The following KCNQ1OT1 variants were observed in gnomAD, a reference collection of about 807,000 sequenced individuals.
The protein encoded by KCNQ1OT1 is KCNQ1 opposite strand/antisense transcript 1.
Position 2,676,080 on chromosome 11 carries a change from T to C in KCNQ1OT1, n.23915A>G, listed in dbSNP as rs1850288306. The stretch of plus-strand genomic sequence containing the variant: ...CAGACGTATTTTATATAAACAAATA[T>C]ACGTGTGTCTGTGTGTGCATGTACT... On this transcript the variant is annotated non_coding_transcript_exon_variant, in exon 1 of 1. Transcript: ENST00000597346. The surrounding 1 kb of genome is among the most constrained non-coding windows in gnomAD (Gnocchi z 4.2). 1 of 398,662 alleles carries C rather than the reference T, an allele frequency of 2.5e-6. No homozygotes were observed. The highest frequency in any genetic ancestry group is 4.4e-6 in the Non-Finnish European group (1 of 226,064). The allele number at this position is 398,662 out of a possible 1,614,324, so 24.7% of individuals were successfully genotyped here.
Position 2,661,583 on chromosome 11 carries a change from CTGT to C in KCNQ1OT1, n.38409_38411del. 1 of 562,402 alleles carries C rather than the reference CTGT, an allele frequency of 1.8e-6. No individual in the cohort carries two copies. The highest frequency in any genetic ancestry group is 3.2e-6 in the Non-Finnish European group (1 of 316,504). The allele number at this position is 562,402 out of a possible 1,614,324, so 34.8% of individuals were successfully genotyped here. On this transcript the variant is annotated non_coding_transcript_exon_variant, in exon 1 of 1. Transcript: ENST00000597346. This position sits in a 1 kb window ranked among gnomAD's most constrained non-coding sequence, Gnocchi z 5.9. ...GTGTGACAATGTATGGTGGTGGGAG[CTGT>C]TGTCCCTTACCAGGCCTGTGCCTGT...
At position 2,657,460 on chromosome 11, in the gene KCNQ1OT1, A is replaced by T. The variant is rs1849870299; in HGVS notation, n.42535T>A. The T allele has an allele frequency of 2.5e-6, 1 of 398,564 alleles. No individual in the cohort carries two copies. Among genetic ancestry groups the T allele is most frequent in the African/African-American group, 2.1e-5 (1 of 48,764 alleles). 24.7% of individuals were successfully genotyped at this position (398,564 alleles called of 1,614,324 possible). A position where few individuals can be genotyped will look rare whatever the true frequency, so the allele number is the denominator to read the frequency against. ...AATTAATATTCTTTTGTGCTATTGT[A>T]TACAGGTTCTGTTTTCTCTTGTTAC... On this transcript the variant is annotated non_coding_transcript_exon_variant, in exon 1 of 1. Coordinates refer to ENST00000597346, the Ensembl canonical transcript of KCNQ1OT1. The surrounding 1 kb of genome is among the most constrained non-coding windows in gnomAD (Gnocchi z 4.8).
At chr11:2,649,760 T>C (rs1322099181) in exon 1 of KCNQ1OT1, 5 of 398,496 alleles carry the variant, frequency 1.3e-5, no homozygotes, top group Non-Finnish European at 2.2e-5. Context: ...TTGATGAAAA[T>C]GTGCCTCAGA....
At chr11:2,672,892 G>T (rs1333805813) in exon 1 of KCNQ1OT1, 1 of 398,644 alleles carries the variant, frequency 2.5e-6, no homozygotes, top group African/African-American at 2.1e-5. Context: ...CAGGGGAGCA[G>T]TATGTGGCAC....
Position 2,642,358 on chromosome 11 carries a change from T to G in KCNQ1OT1, n.57637A>C. ...TGGTTAAACTCATTCCTAGATTTTT[T>G]GTAGTGGTTGTAAAAGATAATGCCT... On this transcript the variant is annotated non_coding_transcript_exon_variant, in exon 1 of 1. Coordinates refer to ENST00000597346, the Ensembl canonical transcript of KCNQ1OT1. This position sits in a 1 kb window ranked among gnomAD's most constrained non-coding sequence, Gnocchi z 4.3. 2 of 398,244 alleles carry G rather than the reference T, an allele frequency of 5.0e-6. No homozygotes were observed. The highest frequency in any genetic ancestry group is 7.1e-5 in the East Asian group (2 of 27,994). The allele number at this position is 398,244 out of a possible 1,614,324, so 24.7% of individuals were successfully genotyped here.
chr11:2,637,992 G>A (rs953100687), exon 1 of KCNQ1OT1: 1 of 152,156 alleles, frequency 6.6e-6, no homozygotes, highest in South Asian at 2.1e-4. Context: ...CAGAGACTAG[G>A]ATTGCAACCC....
chr11:2,675,510 T>C (rs2133873803), exon 1 of KCNQ1OT1: 1 of 398,662 alleles, frequency 2.5e-6, no homozygotes, highest in African/African-American at 2.1e-5. Context: ...AGTCACAACA[T>C]GCCATACACA....
chr11:2,684,901 A>AG (rs1218154075), exon 1 of KCNQ1OT1: 8 of 398,538 alleles, frequency 2.0e-5, no homozygotes, highest in Non-Finnish European at 3.1e-5. Context: ...CTACATCATA[A>AG]GGTAGGTAAG....
At position 2,677,483 on chromosome 11, in the gene KCNQ1OT1, T is replaced by G. The variant is rs1850314231; in HGVS notation, n.22512A>C. 6 of 398,436 alleles carry G rather than the reference T, an allele frequency of 1.5e-5. No homozygotes were observed. The highest frequency in any genetic ancestry group is 2.7e-5 in the Non-Finnish European group (6 of 226,050). The allele number at this position is 398,436 out of a possible 1,614,324, so 24.7% of individuals were successfully genotyped here. On this transcript the variant is annotated non_coding_transcript_exon_variant, in exon 1 of 1. Coordinates refer to ENST00000597346, the Ensembl canonical transcript of KCNQ1OT1. The surrounding 1 kb of genome is among the most constrained non-coding windows in gnomAD (Gnocchi z 4.5). ...GTCAAGCAGTGAAACCATGCCATAC[T>G]TCTACAAAAAATGATCCTCTCTGTG...
At chr11:2,655,850 T>C (rs1040825106) in exon 1 of KCNQ1OT1, 8 of 398,524 alleles carry the variant, frequency 2.0e-5, no homozygotes, top group South Asian at 2.5e-4. Flanking sequence ...TCCTCTTGAA[T>C]TGGAAAAACA....
chr11:2,615,063 A>AC (rs1849039418), exon 1 of KCNQ1OT1: 1 of 398,106 alleles, frequency 2.5e-6, no homozygotes, highest in Non-Finnish European at 4.4e-6. Flanking sequence ...GTCTTCTTTA[A>AC]TTTTTGTCAA....
chr11:2,689,172 C>T (rs1258663419), exon 1 of KCNQ1OT1: 9 of 398,672 alleles, frequency 2.3e-5, no homozygotes, highest in Admixed American at 4.4e-5. Context: ...GGGCCTGCTC[C>T]TCCTCCTTTT....
At position 2,626,397 on chromosome 11, in the gene KCNQ1OT1, T is replaced by TG; in HGVS notation, n.73597dup. On this transcript the variant is annotated non_coding_transcript_exon_variant, in exon 1 of 1. Coordinates refer to ENST00000597346, the Ensembl canonical transcript of KCNQ1OT1. The surrounding 1 kb of genome is among the most constrained non-coding windows in gnomAD (Gnocchi z 4.0). ...CAGCACTTTCCCTATTGAATGGTCT[T>TG]GGCACTCTTCTCAGGAATCATTTGA... 1 of 398,650 alleles carries TG rather than the reference T, an allele frequency of 2.5e-6. No homozygotes were observed. The highest frequency in any genetic ancestry group is 4.4e-6 in the Non-Finnish European group (1 of 226,090). 24.7% of individuals were successfully genotyped at this position (398,650 alleles called of 1,614,324 possible).
exon 1 of KCNQ1OT1, chr11:2,614,599 G>T (rs1849031364): frequency 2.5e-6 from 1 of 398,360 alleles, no homozygotes; most frequent in Non-Finnish European, 4.4e-6. Flanking sequence ...TGATATATGA[G>T]GATCCAGTTG....
exon 1 of KCNQ1OT1, chr11:2,639,365 G>C (rs746937565): frequency 6.6e-6 from 1 of 152,192 alleles, no homozygotes; most frequent in African/African-American, 2.4e-5. Flanking sequence ...GGTCTTTGAT[G>C]ATGGTGACGT....
chr11:2,666,512 G>A (rs1451046143), exon 1 of KCNQ1OT1: 2 of 398,576 alleles, frequency 5.0e-6, no homozygotes, highest in Non-Finnish European at 8.8e-6. Context: ...CAAGGCCGCT[G>A]TGGCCTGGCT....
rs970723832 is a variant in KCNQ1OT1 at position 2,682,574 on chromosome 11, CAGGCA to C, written n.17416_17420del. The C allele has an allele frequency of 1.5e-5, 6 of 398,450 alleles. No homozygotes were observed. The highest frequency in any genetic ancestry group is 1.2e-4 in the African/African-American group (6 of 48,600). 24.7% of individuals were successfully genotyped at this position (398,450 alleles called of 1,614,324 possible). ...GGTTCCATAAGGCTATGCTGGGGTT[CAGGCA>C]ACCCAAGGCTGGTCTGGAGAGTGTA... On this transcript the variant is annotated non_coding_transcript_exon_variant, in exon 1 of 1. Transcript: ENST00000597346. The surrounding 1 kb of genome is among the most constrained non-coding windows in gnomAD (Gnocchi z 5.8).
chr11:2,632,182 CAAAAAAAAAAAA>C (rs34998500), exon 1 of KCNQ1OT1: 2 of 312,378 alleles, frequency 6.4e-6, no homozygotes. Flanking sequence ...GACTCTGCCT[CAAAAAAAAAAAA>C]AAAAAAAAAG....
At chr11:2,648,579 T>C (rs1849703357) in exon 1 of KCNQ1OT1, 1 of 398,440 alleles carries the variant, frequency 2.5e-6, no homozygotes, top group South Asian at 1.3e-4. Context: ...TCTGTTCAAT[T>C]TCAGAAGTTC....
Sources: allele counts gnomAD v4.1 joint callset, GRCh38; gene constraint gnomAD v4.1.1; non-coding constraint Gnocchi (gnomAD v3.1); transcripts MANE v1.5; gene names NCBI Gene and HGNC (gene_info 2026-07-23, HGNC 2026-07-21).